The following PALB2 variants were observed in gnomAD, a reference collection of about 807,000 sequenced individuals.
PALB2 encodes partner and localizer of BRCA2.
A neutral mutation model predicts 107.4 loss-of-function variants in PALB2; 82 were observed. That is an observed-to-expected ratio of 0.76 (90% confidence interval 0.64 to 0.92). The LOEUF (loss-of-function observed/expected upper bound fraction) is 0.92, where lower values mean the gene tolerates loss of function less well. Ranked by LOEUF, PALB2 falls within the 40% of genes least tolerant of loss-of-function variation. The pLI, the probability that PALB2 is intolerant of heterozygous loss-of-function variation, is 0.00. For missense variants in PALB2, 1,374 were observed against 1,379.9 expected (o/e 1.00, Z 0.07); for synonymous variants, 489 against 496.8 (o/e 0.98, Z 0.21).
chr16:23,615,809 C>T (rs1597075024), intron 10 of PALB2, among the ~76,000 whole-genome samples: 1 of 152,132 alleles, frequency 6.6e-6, no homozygotes, highest in Admixed American at 6.5e-5. Context: ...GGATTACAGG[C>T]AGGCGCCACC....
chr16:23,617,802 A>C (rs113580717), intron 10 of PALB2: 5,088 of 152,318 alleles, frequency 0.033, 118 homozygotes, highest in Middle Eastern at 0.088. Context: ...GGAAACATCA[A>C]TGAAGGCTGG....
chr16:23,631,512 T>G (rs893800186), intron 4 of PALB2, among the ~76,000 whole-genome samples: 1 of 151,768 alleles, frequency 6.6e-6, no homozygotes, highest in Non-Finnish European at 1.5e-5. Flanking sequence ...CAAAACAGTG[T>G]ATGGCCAACA....
At position 23,624,088 on chromosome 16, in the gene PALB2, C is replaced by A. The variant is rs775193384; in HGVS notation, c.2755G>T (p.Val919Leu). 1 of 1,604,984 alleles carries A rather than the reference C, an allele frequency of 6.2e-7. No individual in the cohort carries two copies. The highest frequency in any genetic ancestry group is 2.2e-5 in the East Asian group (1 of 44,790). The change falls in exon 8 of 13, where the codon GTA becomes TTA. Residue 919 changes from valine to leucine, a missense_variant. Transcript: ENST00000261584. ...TCAGGCACTGGAACTATCTGTAATA[C>A]TGGAACCTAAATAAAACAAAGCAGC... ...LYTWHFAEVP[V>L]LQIVPVPDVY...
At chr16:23,619,778 A>T (rs1966741465) in intron 10 of PALB2, among the ~76,000 whole-genome samples, 1 of 151,830 alleles carries the variant, frequency 6.6e-6, no homozygotes, top group South Asian at 2.1e-4. Flanking sequence ...TTGACTTTTA[A>T]AAAATTATTA....
intron 12 of PALB2, among the ~76,000 whole-genome samples, chr16:23,604,286 C>A (rs1966422310): frequency 6.6e-6 from 1 of 152,214 alleles, no homozygotes; most frequent in Non-Finnish European, 1.5e-5. Flanking sequence ...CAGTCAGCTA[C>A]CTGGGTTTAA....
At chr16:23,623,628 C>T (rs1966816262) in intron 8 of PALB2, among the ~76,000 whole-genome samples, 2 of 150,658 alleles carry the variant, frequency 1.3e-5, no homozygotes, top group Non-Finnish European at 2.9e-5. Flanking sequence ...ATTCTCCTGC[C>T]TCAGCCTCCT....
intron 12 of PALB2, 99 bp from the exon 13 acceptor site, chr16:23,603,768 G>A (rs1335896505): frequency 9.2e-7 from 1 of 1,081,954 alleles, no homozygotes; most frequent in Non-Finnish European, 1.3e-6. Flanking sequence ...CCAGCAACAG[G>A]AACAAAAATC....
intron 6 of PALB2, 134 bp from the exon 7 acceptor site, chr16:23,626,531 A>T: frequency 1.0e-6 from 1 of 998,624 alleles, no homozygotes; most frequent in East Asian, 2.5e-5. Flanking sequence ...GCAGGTGAAA[A>T]GAAAGAGCTT....
Position 23,629,645 on chromosome 16 carries a change from C to A in PALB2, c.2509G>T (p.Glu837Ter), listed in dbSNP as rs587778587. Residue 837 changes from glutamate (E) to a stop codon, truncating the protein, a stop_gained, in exon 5 of 13, where the codon GAA becomes TAA. Coordinates refer to ENST00000261584, the MANE Select transcript of PALB2 (RefSeq NM_024675.4). LOFTEE classifies it high-confidence loss of function. ...TCQELHKHSV[E>*]QTETAELPAS... ...ACAGAGGAAATGGATTGTACCTGTTCGACGGAATGTTTATGCAGCTCCTGG... is the reference window on the plus strand; with the variant it reads ...ACAGAGGAAATGGATTGTACCTGTTAGACGGAATGTTTATGCAGCTCCTGG... 6.2e-7 allele frequency: 1 copy of A among 1,613,820 alleles called. No homozygotes were observed. The highest frequency in any genetic ancestry group is 8.5e-7 in the Non-Finnish European group (1 of 1,179,848).
rs200937538 is a variant in PALB2 at position 23,636,051 on chromosome 16, G to A, written c.495C>T (p.Gly165=). Residue 165 remains glycine (G), a synonymous_variant, in exon 4 of 13, where the codon GGC becomes GGT. Coordinates refer to ENST00000261584, the MANE Select transcript of PALB2 (RefSeq NM_024675.4). ...FISQERDCVF[G]TDSLRLSGKR... is the part of the protein sequence containing the mutation. ...TCCCAGACAATCTGAGTGAATCAGT[G>A]CCAAAGACACAGTCTCTCTCCTGTG... The A allele has an allele frequency of 6.6e-5, 107 of 1,613,984 alleles. No individual in the cohort carries two copies. In the East Asian group the frequency reaches 2.3e-3, roughly 35 times the overall value.
rs45537237 is a variant in PALB2, at chr16:23,630,014, C to T, written c.2140G>A (p.Asp714Asn). Residue 714 changes from aspartate to asparagine, a missense_variant, in exon 5 of 13, where the codon GAT (aspartate) becomes AAT (asparagine). By Grantham distance (23) the Asp-to-Asn change is conservative (BLOSUM62 1). Transcript: ENST00000261584. The stretch of plus-strand genomic sequence containing the variant: ...TCTGTGGTAGGCCTGTCATTATCAT[C>T]AGGCGCAACCGTATTTAAAGGAGTA... ...LYTPLNTVAPDDNDRPTTDMC... is the reference protein window; with the variant it reads ...LYTPLNTVAPNDNDRPTTDMC... 3.0e-5 allele frequency: 49 copies of T among 1,614,048 alleles called. No homozygotes were observed. The highest frequency in any genetic ancestry group is 4.2e-5 in the Non-Finnish European group (49 of 1,180,048).
chr16:23,635,854 T>C lies in PALB2; in HGVS notation c.692A>G (p.Lys231Arg), dbSNP rs745443201. ...TCTTCTTAGGAATGTATCAACACCTTTTTCTGGTTGGGCAGTTGGTGGAAT... is the reference window on the plus strand; with the variant it reads ...TCTTCTTAGGAATGTATCAACACCTCTTTCTGGTTGGGCAGTTGGTGGAAT... The part of the protein sequence containing the change: ...VLIPPTAQPE[K>R]GVDTFLRRPN... Residue 231 changes from lysine to arginine, a missense_variant, in exon 4 of 13, where the codon AAA becomes AGA. Physicochemically the swap from Lys to Arg is conservative, Grantham distance 26 (BLOSUM62 2). Coordinates refer to ENST00000261584, the MANE Select transcript of PALB2 (RefSeq NM_024675.4). 6.2e-7 allele frequency: 1 copy of C among 1,614,152 alleles called. No individual in the cohort carries two copies. Among genetic ancestry groups the C allele is most frequent in the Non-Finnish European group, 8.5e-7 (1 of 1,180,018 alleles).
chr16:23,619,559 C>CT (rs1209658039), intron 10 of PALB2, among the ~76,000 whole-genome samples: 1 of 151,778 alleles, frequency 6.6e-6, no homozygotes, highest in Non-Finnish European at 1.5e-5. Context: ...AGACGCCACA[C>CT]TTATTTTTTG....
chr16:23,610,865 G>A (rs143590425), intron 11 of PALB2, among the ~76,000 whole-genome samples: 31 of 151,596 alleles, frequency 2.0e-4, no homozygotes, highest in Middle Eastern at 3.4e-3. Context: ...GTGAAACCCC[G>A]TCTCTACTAA....
rs1236182341 is a variant in PALB2, at chr16:23,630,137, C to T, written c.2017G>A (p.Glu673Lys). The change falls in exon 5 of 13, where the codon GAG (glutamate) becomes AAG (lysine). Residue 673 changes from glutamate to lysine, a missense_variant. Transcript: ENST00000261584. ...TTTCCTGGTAGAACAATAAGGTCCT[C>T]TTCTAAGTCCTCCATTTCTGTATCC... ...RMDTEMEDLE[E>K]DLIVLPGKSH... 1.9e-6 allele frequency: 3 copies of T among 1,614,154 alleles called. No individual in the cohort carries two copies. The highest frequency in any genetic ancestry group is 2.5e-6 in the Non-Finnish European group (3 of 1,180,036).
chr16:23,626,368 C>A lies in PALB2; in HGVS notation c.2616G>T (p.Val872=), dbSNP rs1567215519. The change falls in exon 7 of 13, where the codon GTG becomes GTT. Residue 872 remains valine (V), a synonymous_variant. Coordinates refer to ENST00000261584, the MANE Select transcript of PALB2 (RefSeq NM_024675.4). ...CGGCTCTTTCCCAAAACATGGCACT[C>A]ACATCTACGGAACAGGAACCTGAAG... ...KNPSGSCSVD[V]SAMFWERAGC... is the part of the protein sequence containing the mutation. 2 of 1,614,184 alleles carry A rather than the reference C, an allele frequency of 1.2e-6. No homozygotes were observed. The highest frequency in any genetic ancestry group is 1.7e-6 in the Non-Finnish European group (2 of 1,180,042).
In PALB2 at chr16:23,630,285, C is replaced by T. The variant is rs1555460612; in HGVS notation, c.1869G>A (p.Lys623=). The T allele has an allele frequency of 1.2e-6, 2 of 1,614,148 alleles. No individual in the cohort carries two copies. Among genetic ancestry groups the T allele is most frequent in the South Asian group, 1.1e-5 (1 of 91,074 alleles). Residue 623 remains lysine (K), a synonymous_variant, in exon 5 of 13, where the codon AAG becomes AAA. Coordinates refer to ENST00000261584, the MANE Select transcript of PALB2 (RefSeq NM_024675.4). The stretch of plus-strand genomic sequence containing the variant: ...CTGAGCAGGACTTCACTTTTTCAAG[C>T]TTAAGAGGTCCAAAGTCTTCATCAG... ...QLPDEDFGPL[K]LEKVKSCSEK... is the part of the protein sequence containing the mutation.
chr16:23,623,881 CA>C (rs1966820318), intron 8 of PALB2, 127 bp downstream of exon 8: 1 of 698,050 alleles, frequency 1.4e-6, no homozygotes, highest in Non-Finnish European at 2.5e-6. Context: ...TTTTTTTAAA[CA>C]AATCTCTCTC....
At chr16:23,605,027 T>C (rs1358101192) in intron 12 of PALB2, among the ~76,000 whole-genome samples, 1 of 152,046 alleles carries the variant, frequency 6.6e-6, no homozygotes, top group African/African-American at 2.4e-5. Flanking sequence ...TGAGCTGAGA[T>C]CATGCCACTG....
Sources: gnomAD v4.1 joint callset for allele counts (sites outside exome capture counted in the v4.1 genomes callset) on GRCh38, gnomAD v4.1.1 for gene constraint, MANE v1.5 for transcripts, NCBI Gene and HGNC (gene_info 2026-07-23, HGNC 2026-07-21) for gene names.